RASA3: variants seen among roughly 807,000 people sequenced by gnomAD.
RASA3 encodes the protein RAS p21 protein activator 3.
A neutral mutation model predicts 110.0 loss-of-function variants in RASA3; 73 were observed. The ratio of observed to expected loss-of-function variants is 0.66; its 90% CI spans 0.55 to 0.81. The LOEUF (loss-of-function observed/expected upper bound fraction) is 0.81, where lower values mean the gene tolerates loss of function less well. Ranked by LOEUF, RASA3 falls within the 30% of genes least tolerant of loss-of-function variation. The pLI is 0.00. For synonymous variants in RASA3, 500 were observed against 451.4 expected, an observed-to-expected ratio of 1.11 and a Z score of -1.37; for missense variants, 976 against 1,113.2, an observed-to-expected ratio of 0.88 and a Z score of 1.75.
rs1238967780 is a variant in RASA3, at chr13:114,103,352, G to A, written c.55+29083C>T. 4.6e-5 allele frequency among the ~76,000 whole-genome samples: 7 copies of A among 152,096 alleles called. No individual in the cohort carries two copies. The East Asian group carries it at 1.3e-3, about 29-fold the overall frequency. On this transcript the variant is annotated intron_variant, in intron 1 of 23. Transcript: ENST00000334062. Reference sequence around the variant, plus strand: ...AGAGCCTGGCATTCTCTCTGGGGTAGCTCTCACCCTTGCAAAGCACAGAGA... The same window carrying A: ...AGAGCCTGGCATTCTCTCTGGGGTAACTCTCACCCTTGCAAAGCACAGAGA...
chr13:114,024,286 C>T lies in RASA3; in HGVS notation c.673G>A (p.Glu225Lys), dbSNP rs370747207. ...GGAGCCTGGTTTTCTCACCTGATTT[C>T]GAGCTTGTCCACGTCTTCCTCCTCA... ...DFEEEDVDKL[E>K]IRVDLWNASN... Residue 225 changes from glutamate to lysine, a missense_variant, in exon 8 of 24, where the codon GAA becomes AAA. Glu to Lys is a moderately conservative substitution (Grantham distance 56). Transcript: ENST00000334062. 16 of 1,613,894 alleles carry T rather than the reference C, an allele frequency of 9.9e-6. No homozygotes were observed. Among genetic ancestry groups the T allele is most frequent in the African/African-American group, 5.3e-5 (4 of 74,940 alleles).
chr13:114,097,414 A>T (rs1238632807), intron 1 of RASA3, among the ~76,000 whole-genome samples: 1 of 152,184 alleles, frequency 6.6e-6, no homozygotes, highest in African/African-American at 2.4e-5. Flanking sequence ...CCTATTCCCG[A>T]TTCAGGGCAA....
At position 114,057,396 on chromosome 13, in the gene RASA3, G is replaced by A. The variant is rs1371287489; in HGVS notation, c.174-5241C>T. The A allele has an allele frequency of 3.5e-5, 34 of 985,268 alleles. No individual in the cohort carries two copies. Among genetic ancestry groups the A allele is most frequent in the Admixed American group, 1.8e-4 (3 of 16,260 alleles). 61.0% of individuals were successfully genotyped at this position (985,268 alleles called of 1,614,324 possible). On this transcript the variant is annotated intron_variant, in intron 2 of 23. Transcript: ENST00000334062. This position sits in a 1 kb window ranked among gnomAD's most constrained non-coding sequence, Gnocchi z 5.0. ...AGGCATTGCAGGGCAGTGGGGTCCG[G>A]AGAGGCGGCCGTGCTACAGGCCTTG...
rs117056755 is a variant in RASA3, at chr13:114,125,422, G to A, written c.55+7013C>T. On this transcript the variant is annotated intron_variant, in intron 1 of 23. Transcript: ENST00000334062. ...TGAAGGGGGAGCAGGTGTCTCACACGGCGAGAGCGGGGGCAAGAGCGCGAG... is the reference window on the plus strand; with the variant it reads ...TGAAGGGGGAGCAGGTGTCTCACACAGCGAGAGCGGGGGCAAGAGCGCGAG... 2.6e-3 allele frequency among the ~76,000 whole-genome samples: 397 copies of A among 152,274 alleles called. 2 individuals carry two copies. The highest frequency in any genetic ancestry group is 0.014 in the Middle Eastern group (4 of 294).
chr13:114,027,538 T>G (rs375712597), intron 6 of RASA3, 77 bp from the exon 7 acceptor site: 2 of 1,107,258 alleles, frequency 1.8e-6, no homozygotes. Context: ...AACCGAGCTC[T>G]CAAATGCACA....
At chr13:114,127,574 T>TCCC (rs982444515) in intron 1 of RASA3, among the ~76,000 whole-genome samples, 1 of 151,616 alleles carries the variant, frequency 6.6e-6, no homozygotes, top group African/African-American at 2.4e-5. Context: ...CCTCCATGAT[T>TCCC]CCCCCCATTC....
chr13:114,031,970 A>G (rs1039710267), intron 4 of RASA3, among the ~76,000 whole-genome samples: 1 of 152,202 alleles, frequency 6.6e-6, no homozygotes, highest in East Asian at 1.9e-4. Flanking sequence ...CACCTAAATG[A>G]TTAAAAAACC....
At chr13:114,038,575 C>A (rs2054326822) in intron 4 of RASA3, among the ~76,000 whole-genome samples, 2 of 152,262 alleles carry the variant, frequency 1.3e-5, no homozygotes, top group South Asian at 4.1e-4. Flanking sequence ...ACCCCACCCC[C>A]ACAGCTGGGC....
At chr13:114,043,863 G>GCCC (rs1271940133) in intron 3 of RASA3, among the ~76,000 whole-genome samples, 4 of 5,960 alleles carry the variant, frequency 6.7e-4, no homozygotes, top group African/African-American at 2.2e-3. Flanking sequence ...CACTCGCTGA[G>GCCC]CCCCCCCGCC....
chr13:114,102,529 C>T (rs2080072960), intron 1 of RASA3, among the ~76,000 whole-genome samples: 3 of 152,172 alleles, frequency 2.0e-5, no homozygotes, highest in South Asian at 4.1e-4. Context: ...GGCCCTGTCT[C>T]TGACGTTTTG....
chr13:114,007,910 G>A (rs1206756054), intron 17 of RASA3, among the ~76,000 whole-genome samples: 2 of 152,250 alleles, frequency 1.3e-5, no homozygotes, highest in Non-Finnish European at 2.9e-5. Flanking sequence ...TCCCGGTAGT[G>A]AGGAGGCTCA....
intron 10 of RASA3, 32 bp downstream of exon 10, chr13:114,018,731 C>G (rs748759519): frequency 6.2e-7 from 1 of 1,608,784 alleles, no homozygotes; most frequent in Non-Finnish European, 8.5e-7. Context: ...CACCTCCTGC[C>G]CACACCCACA....
chr13:114,026,194 G>A (rs2139359946), intron 7 of RASA3, among the ~76,000 whole-genome samples: 1 of 152,276 alleles, frequency 6.6e-6, no homozygotes, highest in East Asian at 1.9e-4. Context: ...CCCGTGTGTG[G>A]CCGGGCAGTG....
chr13:114,051,271 C>T (rs1268340101), intron 3 of RASA3, among the ~76,000 whole-genome samples: 2 of 152,172 alleles, frequency 1.3e-5, no homozygotes, highest in African/African-American at 4.8e-5. Context: ...CACACTGGCT[C>T]CCCGGCCGCC....
In RASA3 at chr13:114,013,243, G is replaced by A; in HGVS notation, c.1411C>T (p.Pro471Ser). 6.2e-7 allele frequency: 1 copy of A among 1,610,948 alleles called. No individual in the cohort carries two copies. The highest frequency in any genetic ancestry group is 8.5e-7 in the Non-Finnish European group (1 of 1,178,758). ...EAAAKRFQDDPDVRYTAVSSF... is the reference protein window; with the variant it reads ...EAAAKRFQDDSDVRYTAVSSF... ...CTCACTGCAGTGTACCTGACGTCCG[G>A]GTCATCTGCGGGAGAGAGAAGCAGG... The change falls in exon 15 of 24, where the codon CCG becomes TCG. Residue 471 changes from proline (P) to serine (S), a missense_variant. Pro to Ser is a moderately conservative substitution (Grantham distance 74). This residue lies in a region of RASA3 where 732 missense variants were observed against 779.7 expected (regional missense o/e 0.94). Transcript: ENST00000334062.
intron 5 of RASA3, among the ~76,000 whole-genome samples, chr13:114,028,439 G>T (rs1336058538): frequency 6.7e-6 from 1 of 150,310 alleles, no homozygotes; most frequent in South Asian, 2.1e-4. Context: ...TGGGGGCCAG[G>T]ACCCCTAAAA....
At position 114,096,963 on chromosome 13, in the gene RASA3, C is replaced by T. The variant is rs889450278; in HGVS notation, c.56-23126G>A. The stretch of plus-strand genomic sequence containing the variant: ...CCCTCCTCTGTGTCTCAATCCTTCC[C>T]GTGCACCAGGCCACTCTGAGTCTGC... On this transcript the variant is annotated intron_variant, in intron 1 of 23. Coordinates refer to ENST00000334062, the MANE Select transcript of RASA3 (RefSeq NM_007368.4). This position sits in a 1 kb window ranked among gnomAD's most constrained non-coding sequence, Gnocchi z 5.1. Among the ~76,000 whole-genome samples the T allele has an allele frequency of 3.9e-5, 6 of 152,186 alleles. No homozygotes were observed. Among genetic ancestry groups the T allele is most frequent in the African/African-American group, 1.2e-4 (5 of 41,432 alleles).
At chr13:114,009,288 G>T in intron 17 of RASA3, 99 bp downstream of exon 17, 1 of 991,648 alleles carries the variant, frequency 1.0e-6, no homozygotes, top group Non-Finnish European at 1.6e-6. Context: ...AATCGCTAAT[G>T]GCCAAGTCTG....
intron 1 of RASA3, among the ~76,000 whole-genome samples, chr13:114,119,524 TCC>T (rs1483598865): frequency 4.7e-5 from 1 of 21,180 alleles, no homozygotes; most frequent in Admixed American, 4.3e-4. Context: ...AGTGCCCCCC[TCC>T]CCTCTCCAGC....
Sources: gnomAD v4.1 joint callset for allele counts (sites outside exome capture counted in the v4.1 genomes callset) on GRCh38, gnomAD v4.1.1 for gene constraint, gnomAD v4.1.1 regional missense constraint, Gnocchi (gnomAD v3.1) non-coding constraint, MANE v1.5 for transcripts, NCBI Gene and HGNC (gene_info 2026-07-23, HGNC 2026-07-21) for gene names.